BRAF: variants seen among roughly 807,000 people sequenced by gnomAD.
BRAF encodes B-Raf proto-oncogene, serine/threonine kinase.
In BRAF, 16 loss-of-function variants were observed where a neutral mutation model predicts 104.6. The ratio of observed to expected loss-of-function variants is 0.15; its 90% CI spans 0.10 to 0.23. BRAF has a LOEUF of 0.23. Ranked by LOEUF, BRAF falls within the 10% of genes least tolerant of loss-of-function variation. BRAF has a pLI of 1.00. For synonymous variants in BRAF, 310 were observed against 341.6 expected (o/e 0.91, Z 1.02); for missense variants, 541 against 937.3 (o/e 0.58, Z 5.52).
At chr7:140,823,790 G>A (rs996215048) in intron 3 of BRAF, 1 of 152,072 alleles carries the variant, frequency 6.6e-6, no homozygotes, top group Non-Finnish European at 1.5e-5. Context: ...GTGCAACAGG[G>A]GTCCAATTTC....
At chr7:140,880,154 C>T (rs1224176525) in intron 1 of BRAF, among the ~76,000 whole-genome samples, 1 of 152,200 alleles carries the variant, frequency 6.6e-6, no homozygotes, top group Non-Finnish European at 1.5e-5. Flanking sequence ...GAACTACTTT[C>T]AAACTTGGAG....
intron 10 of BRAF, 123 bp from the exon 10 acceptor site, chr7:140,783,280 C>A (rs1247844669): frequency 1.6e-6 from 2 of 1,268,358 alleles, no homozygotes; most frequent in South Asian, 3.0e-5. Context: ...TAAATATAGA[C>A]CTTTTGGAAA....
At chr7:140,785,911 T>C in intron 9 of BRAF, 1 of 396,234 alleles carries the variant, frequency 2.5e-6, no homozygotes, top group East Asian at 3.6e-5. Flanking sequence ...GAAGCCTGTT[T>C]CATAAAATAA....
At chr7:140,735,706 A>G (rs761391189) in intron 18 of BRAF, among the ~76,000 whole-genome samples, 18 of 151,170 alleles carry the variant, frequency 1.2e-4, no homozygotes, top group Non-Finnish European at 2.4e-4. Flanking sequence ...ACAGGAGCGC[A>G]CCACCATGCC....
chr7:140,834,066 T>C (rs1332954361), intron 3 of BRAF: 1 of 160,160 alleles, frequency 6.2e-6, no homozygotes, highest in Non-Finnish European at 1.4e-5. Context: ...ACTAACAATA[T>C]TCGTTGCACT....
chr7:140,919,146 CAA>C (rs572137875), intron 1 of BRAF, among the ~76,000 whole-genome samples: 20,964 of 91,568 alleles, frequency 0.23, 2,479 homozygotes, highest in African/African-American at 0.4. Flanking sequence ...GACTCCGTCT[CAA>C]AAAAAAAAAA....
chr7:140,882,391 T>G (rs6975596), intron 1 of BRAF, among the ~76,000 whole-genome samples: 13,231 of 144,942 alleles, frequency 0.091, 424 homozygotes, highest in South Asian at 0.18. Context: ...TTTTTTTTTT[T>G]GTGAGATGGA....
At position 140,847,232 on chromosome 7, in the gene BRAF, T is replaced by A. The variant is rs145083694; in HGVS notation, c.240+2879A>T. On this transcript the variant is annotated intron_variant, in intron 2 of 19. Coordinates refer to ENST00000644969, the MANE Select transcript of BRAF (RefSeq NM_001374258.1). ...TATATGTTCATTGTCTATATATCCA[T>A]CCCCTCATTAAAATATAAGCTTAAA... is the stretch of plus-strand genomic sequence containing the variant. Among the ~76,000 whole-genome samples the A allele has an allele frequency of 3.7e-3, 556 of 151,870 alleles. 6 individuals are homozygous for A. The highest frequency in any genetic ancestry group is 0.013 in the African/African-American group (527 of 41,428).
chr7:140,857,738 A>C (rs1241419754), intron 1 of BRAF, among the ~76,000 whole-genome samples: 2 of 152,198 alleles, frequency 1.3e-5, no homozygotes, highest in Admixed American at 6.5e-5. Flanking sequence ...ATCTTGTGCC[A>C]GATATCAGAA....
chr7:140,790,452 A>G (rs1325580936), intron 8 of BRAF, among the ~76,000 whole-genome samples: 1 of 152,202 alleles, frequency 6.6e-6, no homozygotes, highest in African/African-American at 2.4e-5. Context: ...ATCATAATAG[A>G]GAAAACAAAA....
intron 17 of BRAF, among the ~76,000 whole-genome samples, chr7:140,743,818 A>T (rs747446345): frequency 6.6e-6 from 1 of 152,142 alleles, no homozygotes; most frequent in Non-Finnish European, 1.5e-5. Flanking sequence ...GACATTTCTA[A>T]ATACTGGTGT....
chr7:140,721,877 T>G lies in BRAF; in HGVS notation c.*4617A>C. On this transcript the variant is annotated 3_prime_UTR_variant, in exon 20 of 20. Coordinates refer to ENST00000644969, the MANE Select transcript of BRAF (RefSeq NM_001374258.1). ...CTTTGGGACAGGATGACTAACGCAG[T>G]CCAGCTTCATGTGCAATCAAGTCCC... 7.9e-7 allele frequency: 1 copy of G among 1,269,640 alleles called. No individual in the cohort carries two copies. The highest frequency in any genetic ancestry group is 9.9e-7 in the Non-Finnish European group (1 of 1,009,964). The allele number at this position is 1,269,640 out of a possible 1,614,324, so 78.6% of individuals were successfully genotyped here. A position where few individuals can be genotyped will look rare whatever the true frequency, so the allele number is the denominator to read the frequency against.
At chr7:140,883,481 G>T (rs1405218754) in intron 1 of BRAF, among the ~76,000 whole-genome samples, 1 of 152,202 alleles carries the variant, frequency 6.6e-6, no homozygotes, top group Non-Finnish European at 1.5e-5. Flanking sequence ...TTTAGTAAAT[G>T]TGAGGCACTG....
rs758081519 is a variant in BRAF, at chr7:140,719,933, G to A, written c.*6561C>T. On this transcript the variant is annotated 3_prime_UTR_variant, in exon 20 of 20. Coordinates refer to ENST00000644969, the MANE Select transcript of BRAF (RefSeq NM_001374258.1). ...GTGTGTGTGAGTCGCCATAAGGTTT[G>A]GAGTGGTGAAACAGGAACCGTGAAT... 13 of 1,062,544 alleles carry A rather than the reference G, an allele frequency of 1.2e-5. No homozygotes were observed. The highest frequency in any genetic ancestry group is 1.1e-5 in the Non-Finnish European group (10 of 877,626). The allele number at this position is 1,062,544 out of a possible 1,614,324, so 65.8% of individuals were successfully genotyped here.
intron 1 of BRAF, among the ~76,000 whole-genome samples, chr7:140,899,430 A>G (rs1038528103): frequency 3.9e-5 from 6 of 152,132 alleles, no homozygotes; most frequent in African/African-American, 1.2e-4. Context: ...ATTATTTTCC[A>G]AAGGATTTTT....
intron 1 of BRAF, among the ~76,000 whole-genome samples, chr7:140,884,863 T>C (rs903185543): frequency 1.3e-5 from 2 of 152,126 alleles, no homozygotes. Context: ...AAAATTCATT[T>C]TAAAATGACA....
chr7:140,883,659 T>C (rs1287081328), intron 1 of BRAF, among the ~76,000 whole-genome samples: 2 of 152,236 alleles, frequency 1.3e-5, no homozygotes, highest in Non-Finnish European at 2.9e-5. Flanking sequence ...GATAAACTGT[T>C]TGAATGGTGA....
rs78496682 is a variant in BRAF at position 140,853,930 on chromosome 7, G to A, written c.139-3718C>T. 6.4e-3 allele frequency among the ~76,000 whole-genome samples: 970 copies of A among 152,192 alleles called. 11 individuals carry two copies. Among genetic ancestry groups the A allele is most frequent in the African/African-American group, 0.022 (919 of 41,524 alleles). On this transcript the variant is annotated intron_variant, in intron 1 of 19. Transcript: ENST00000644969. ...TGATTTATCCCCAGAGCCTAGAACA[G>A]TGCCTAGCATACAATAAGCAAACAT... is the stretch of plus-strand genomic sequence containing the variant.
chr7:140,867,162 T>C (rs964129184), intron 1 of BRAF, among the ~76,000 whole-genome samples: 1 of 152,118 alleles, frequency 6.6e-6, no homozygotes, highest in African/African-American at 2.4e-5. Context: ...GCTGGGACTA[T>C]TATTACCCCT....
Sources: allele counts gnomAD v4.1 joint callset (sites outside exome capture counted in the v4.1 genomes callset), GRCh38; gene constraint gnomAD v4.1.1; transcripts MANE v1.5; gene names NCBI Gene and HGNC (gene_info 2026-07-23, HGNC 2026-07-21).